Variants in FOXP2 observed in about 807,000 individuals in gnomAD.
FOXP2 encodes the protein forkhead box protein P2.
A neutral mutation model predicts 115.8 loss-of-function variants in FOXP2; 12 were observed. That is an observed-to-expected ratio of 0.10 (90% CI 0.07 to 0.17). FOXP2 has a LOEUF of 0.17. FOXP2 is among the 10% of genes least tolerant of loss of function. FOXP2 has a pLI of 1.00. For missense variants in FOXP2, 629 were observed against 843.5 expected (o/e 0.75, Z 3.15); for synonymous variants, 328 against 297.7 (o/e 1.10, Z -1.05).
At chr7:114,689,202 A>T (rs1208762954) in intron 16 of FOXP2, among the ~76,000 whole-genome samples, 3 of 152,180 alleles carry the variant, frequency 2.0e-5, no homozygotes, top group African/African-American at 7.2e-5. Flanking sequence ...AAACATATAA[A>T]TATGTGCTTG....
chr7:114,611,572 T>C (rs1380797995), intron 3 of FOXP2, among the ~76,000 whole-genome samples: 5 of 152,244 alleles, frequency 3.3e-5, no homozygotes. Context: ...AATATAGTTA[T>C]AGCTAAATTC....
At chr7:114,453,998 A>C (rs1289851175) in intron 2 of FOXP2, among the ~76,000 whole-genome samples, 2 of 152,170 alleles carry the variant, frequency 1.3e-5, no homozygotes, top group Non-Finnish European at 2.9e-5. Context: ...CAATGGCAAC[A>C]CAAGACAAAA....
intron 2 of FOXP2, among the ~76,000 whole-genome samples, chr7:114,461,474 A>T (rs1020498492): frequency 2.7e-5 from 4 of 147,664 alleles, no homozygotes; most frequent in Non-Finnish European, 6.0e-5. Flanking sequence ...CTGAGGTGGA[A>T]TTTTTTTTTT....
intron 1 of FOXP2, among the ~76,000 whole-genome samples, chr7:114,186,070 GT>G (rs1793596316): frequency 6.6e-6 from 1 of 151,940 alleles, no homozygotes. Flanking sequence ...TCATGGCCTA[GT>G]CACCTCTTAA....
At chr7:114,585,255 G>A (rs1377449677) in intron 3 of FOXP2, among the ~76,000 whole-genome samples, 1 of 152,076 alleles carries the variant, frequency 6.6e-6, no homozygotes, top group Non-Finnish European at 1.5e-5. Flanking sequence ...TAGCCATCAG[G>A]GTGACATTTT....
chr7:114,328,283 C>T (rs1309175364), intron 2 of FOXP2, among the ~76,000 whole-genome samples: 1 of 141,702 alleles, frequency 7.1e-6, no homozygotes, highest in Non-Finnish European at 1.5e-5. Context: ...GTCGCCCAGG[C>T]TGGAGTCCAG....
intron 2 of FOXP2, among the ~76,000 whole-genome samples, chr7:114,406,359 A>G (rs565064497): frequency 6.6e-6 from 1 of 152,124 alleles, no homozygotes; most frequent in East Asian, 1.9e-4. Context: ...TTATTTTAAC[A>G]TTAGCTCAAC....
intron 1 of FOXP2, among the ~76,000 whole-genome samples, chr7:114,137,908 G>A: frequency 6.6e-6 from 1 of 152,064 alleles, no homozygotes; most frequent in East Asian, 1.9e-4. Context: ...GACATTAGTA[G>A]TGGCCATATC....
At chr7:114,339,309 C>T (rs936806220) in intron 2 of FOXP2, among the ~76,000 whole-genome samples, 1 of 151,156 alleles carries the variant, frequency 6.6e-6, no homozygotes, top group African/African-American at 2.4e-5. Flanking sequence ...GTGATTCCCT[C>T]TTTAGACTTT....
intron 2 of FOXP2, among the ~76,000 whole-genome samples, chr7:114,318,145 G>C (rs1302152062): frequency 6.6e-6 from 1 of 152,022 alleles, no homozygotes; most frequent in Non-Finnish European, 1.5e-5. Flanking sequence ...CCAATTTACT[G>C]TTCTAATTTT....
At chr7:114,677,542 CTGTG>C (rs564086233) in intron 16 of FOXP2, among the ~76,000 whole-genome samples, 53 of 152,316 alleles carry the variant, frequency 3.5e-4, no homozygotes, top group Non-Finnish European at 6.6e-4. Context: ...AGGGAATACA[CTGTG>C]TGACCACAAT....
At chr7:114,493,122 G>T (rs1229323659) in intron 2 of FOXP2, among the ~76,000 whole-genome samples, 1 of 152,186 alleles carries the variant, frequency 6.6e-6, no homozygotes, top group African/African-American at 2.4e-5. Flanking sequence ...ATTTAGGACA[G>T]TTAGCTCTTC....
intron 1 of FOXP2, among the ~76,000 whole-genome samples, chr7:114,112,751 C>T (rs911543042): frequency 3.9e-5 from 6 of 152,142 alleles, no homozygotes; most frequent in African/African-American, 9.7e-5. Flanking sequence ...TGGGAAACCT[C>T]TGGAACTTCC....
chr7:114,450,600 G>A (rs1295351117), intron 2 of FOXP2, among the ~76,000 whole-genome samples: 1 of 152,114 alleles, frequency 6.6e-6, no homozygotes. Flanking sequence ...CGGTCAAGAG[G>A]TCATACCGCT....
chr7:114,663,531 T>A lies in FOXP2; in HGVS notation c.1839+12T>A. On this transcript the variant is annotated intron_variant, in intron 15 of 16. Transcript: ENST00000350908. Reference sequence around the variant, plus strand: ...ATGCCAGTTTGCAGGTAATGTACTTTCCCAGTTTTGTTGTATTTGAATGTT... The same window carrying A: ...ATGCCAGTTTGCAGGTAATGTACTTACCCAGTTTTGTTGTATTTGAATGTT... 1.2e-6 allele frequency: 2 copies of A among 1,604,780 alleles called. No individual in the cohort carries two copies. The highest frequency in any genetic ancestry group is 1.7e-6 in the Non-Finnish European group (2 of 1,172,590).
At chr7:114,384,915 A>C (rs1043716147) in intron 2 of FOXP2, among the ~76,000 whole-genome samples, 1 of 152,096 alleles carries the variant, frequency 6.6e-6, no homozygotes, top group African/African-American at 2.4e-5. Flanking sequence ...CACTGACAAC[A>C]AAGTGACAAT....
rs77761140 is a variant in FOXP2 at position 114,143,147 on chromosome 7, CAATAATAAT to C, written c.-246-19765_-246-19757del. 2.1e-3 allele frequency among the ~76,000 whole-genome samples: 296 copies of C among 139,546 alleles called. 1 individual carries two copies. Among genetic ancestry groups the C allele is most frequent in the East Asian group, 0.01 (48 of 4,726 alleles). The allele number at this position is 139,546 out of a possible 152,430, so 91.5% of individuals were successfully genotyped here. A position where few individuals can be genotyped will look rare whatever the true frequency, so the allele number is the denominator to read the frequency against. On this transcript the variant is annotated intron_variant, in intron 1 of 19. Transcript: ENST00000635638. Reference sequence around the variant, plus strand: ...TGGGGGACAGAGCAAGACCCTGTCTCAATAATAATAATAATAATAATAATAATAATAATA... The same window carrying C: ...TGGGGGACAGAGCAAGACCCTGTCTCAATAATAATAATAATAATAATAATA...
chr7:114,178,572 T>A (rs1292214770), intron 1 of FOXP2, among the ~76,000 whole-genome samples: 2 of 151,926 alleles, frequency 1.3e-5, no homozygotes, highest in Non-Finnish European at 1.5e-5. Context: ...AATTTTAACT[T>A]GATAATGCCA....
At chr7:114,315,819 C>T (rs747207904) in intron 2 of FOXP2, among the ~76,000 whole-genome samples, 1 of 152,074 alleles carries the variant, frequency 6.6e-6, no homozygotes, top group Non-Finnish European at 1.5e-5. Flanking sequence ...CCTTGTGTTA[C>T]GTGTATTTCT....
Sources: allele counts gnomAD v4.1 joint callset (sites outside exome capture counted in the v4.1 genomes callset), GRCh38; gene constraint gnomAD v4.1.1; transcripts MANE v1.5; gene names NCBI Gene and HGNC (gene_info 2026-07-23, HGNC 2026-07-21).